Variants in PCSK2 observed in about 807,000 individuals in gnomAD.
PCSK2 encodes proprotein convertase subtilisin/kexin type 2.
PCSK2 carries 14 observed loss-of-function variants against 69.7 expected under a neutral mutation model. That is an observed-to-expected ratio of 0.20 (90% CI 0.13 to 0.31). The LOEUF is 0.31. Ranked by LOEUF, PCSK2 falls within the 10% of genes least tolerant of loss-of-function variation. The pLI is 1.00. For synonymous variants in PCSK2, 307 were observed against 320.7 expected (o/e 0.96, Z 0.46); for missense variants, 544 against 842.5 (o/e 0.65, Z 4.39).
intron 6 of PCSK2, among the ~76,000 whole-genome samples, chr20:17,409,664 G>A (rs1215798951): frequency 6.6e-6 from 1 of 152,228 alleles, no homozygotes; most frequent in Non-Finnish European, 1.5e-5. Context: ...TTTGCTTTAT[G>A]TGTTGAAACT....
chr20:17,415,389 A>G (rs1290599247), intron 6 of PCSK2, among the ~76,000 whole-genome samples: 11 of 152,218 alleles, frequency 7.2e-5, no homozygotes, highest in Admixed American at 5.9e-4. Flanking sequence ...CTATACACCA[A>G]TAACAGACAA....
chr20:17,252,266 T>C (rs1407703632), intron 1 of PCSK2, among the ~76,000 whole-genome samples: 3 of 152,178 alleles, frequency 2.0e-5, no homozygotes, highest in Non-Finnish European at 2.9e-5. Context: ...ATTAAAACAC[T>C]AGAAAAATAT....
In PCSK2 at chr20:17,342,139, G is replaced by A. The variant is rs1990528004; in HGVS notation, c.283-16188G>A. ...TAAATGTTCTTGAGTGATAAGGTGT[G>A]TGTCACACCCAGCACCAGCAAATTA... On this transcript the variant is annotated intron_variant, in intron 2 of 11. Coordinates refer to ENST00000262545, the MANE Select transcript of PCSK2 (RefSeq NM_002594.5). 1.3e-5 allele frequency among the ~76,000 whole-genome samples: 2 copies of A among 151,938 alleles called. 1 individual carries two copies.
chr20:17,424,128 A>G (rs1265534868), intron 6 of PCSK2, among the ~76,000 whole-genome samples: 1 of 152,264 alleles, frequency 6.6e-6, no homozygotes, highest in Non-Finnish European at 1.5e-5. Flanking sequence ...AATAGCAAGC[A>G]AATTGCAAAC....
intron 6 of PCSK2, among the ~76,000 whole-genome samples, chr20:17,418,969 C>T (rs770898956): frequency 7.2e-5 from 11 of 152,156 alleles, no homozygotes; most frequent in Non-Finnish European, 1.0e-4. Flanking sequence ...GAAAAGGCAG[C>T]GGCTGTCCAG....
chr20:17,326,292 G>A (rs926737474), intron 2 of PCSK2, among the ~76,000 whole-genome samples: 1 of 152,184 alleles, frequency 6.6e-6, no homozygotes, highest in African/African-American at 2.4e-5. Flanking sequence ...CCTTTGAAAA[G>A]CTGTCAGAGA....
chr20:17,436,404 A>C (rs2032485075), intron 7 of PCSK2, among the ~76,000 whole-genome samples: 2 of 152,240 alleles, frequency 1.3e-5, no homozygotes, highest in Admixed American at 1.3e-4. Flanking sequence ...TCTACTTAGA[A>C]ACGAGCTTAT....
At chr20:17,422,310 A>G (rs1303132389) in intron 6 of PCSK2, among the ~76,000 whole-genome samples, 1 of 152,174 alleles carries the variant, frequency 6.6e-6, no homozygotes, top group Non-Finnish European at 1.5e-5. Context: ...TCATCCCTTT[A>G]ATTCAACACT....
At chr20:17,338,628 T>A (rs1990426627) in intron 2 of PCSK2, among the ~76,000 whole-genome samples, 2 of 152,308 alleles carry the variant, frequency 1.3e-5, no homozygotes, top group South Asian at 2.1e-4. Flanking sequence ...AACTTATTTT[T>A]AAAAAATTAA....
intron 4 of PCSK2, among the ~76,000 whole-genome samples, chr20:17,363,486 G>A (rs547887970): frequency 1.7e-4 from 26 of 152,270 alleles, no homozygotes; most frequent in Non-Finnish European, 2.8e-4. Flanking sequence ...GACAACTTCC[G>A]CCCTTTTACT....
At chr20:17,346,847 G>A (rs899928157) in intron 2 of PCSK2, among the ~76,000 whole-genome samples, 3 of 151,938 alleles carry the variant, frequency 2.0e-5, no homozygotes, top group African/African-American at 7.3e-5. Context: ...CAATGCACAT[G>A]TTCCAACCAA....
At chr20:17,468,466 G>T (rs1349659853) in intron 11 of PCSK2, among the ~76,000 whole-genome samples, 1 of 135,286 alleles carries the variant, frequency 7.4e-6, no homozygotes, top group African/African-American at 2.8e-5. Context: ...GCGTCCTGCT[G>T]TAGACAGGCA....
chr20:17,280,101 G>T (rs1988250895), intron 2 of PCSK2, among the ~76,000 whole-genome samples: 1 of 152,008 alleles, frequency 6.6e-6, no homozygotes, highest in African/African-American at 2.4e-5. Context: ...TGTCAACATG[G>T]TTATACATGC....
chr20:17,335,857 G>GGTGTGTGTGT (rs3138653), intron 2 of PCSK2, among the ~76,000 whole-genome samples: 4,736 of 142,738 alleles, frequency 0.033, 119 homozygotes, highest in African/African-American at 0.069. Flanking sequence ...AGTAGTCCAT[G>GGTGTGTGTGT]GTGTGTGTGT....
At chr20:17,297,276 G>C (rs1441335757) in intron 2 of PCSK2, among the ~76,000 whole-genome samples, 1 of 152,226 alleles carries the variant, frequency 6.6e-6, no homozygotes, top group Non-Finnish European at 1.5e-5. Flanking sequence ...GTTGGGTCTT[G>C]TAAACCATGG....
chr20:17,348,058 A>AGAAAGAAAGAAAGGAAG (rs1411417498), intron 2 of PCSK2, among the ~76,000 whole-genome samples: 1 of 78,876 alleles, frequency 1.3e-5, no homozygotes, highest in Admixed American at 1.8e-4. Flanking sequence ...AAGGAAAGAA[A>AGAAAGAAAGAAAGGAAG]GAAAGAAAGA....
intron 8 of PCSK2, among the ~76,000 whole-genome samples, chr20:17,442,650 C>T (rs146785620): frequency 9.0e-4 from 137 of 152,284 alleles, no homozygotes; most frequent in Middle Eastern, 3.4e-3. Context: ...AAAATGCTCA[C>T]GATGCAGTCC....
At chr20:17,297,769 A>G (rs896070097) in intron 2 of PCSK2, among the ~76,000 whole-genome samples, 1 of 152,140 alleles carries the variant, frequency 6.6e-6, no homozygotes, top group South Asian at 2.1e-4. Flanking sequence ...AAACACTGCC[A>G]CCTTTACTGT....
intron 1 of PCSK2, among the ~76,000 whole-genome samples, chr20:17,246,144 C>T (rs140764949): frequency 1.2e-4 from 19 of 152,228 alleles, no homozygotes; most frequent in Non-Finnish European, 1.6e-4. Context: ...CCAGGCATTC[C>T]GAGGACTGTG....
Sources: allele counts gnomAD v4.1 joint callset (sites outside exome capture counted in the v4.1 genomes callset), GRCh38; gene constraint gnomAD v4.1.1; transcripts MANE v1.5; gene names NCBI Gene and HGNC (gene_info 2026-07-23, HGNC 2026-07-21).